The following GPATCH2L variants were observed in gnomAD, a reference collection of about 807,000 sequenced individuals.
The protein encoded by GPATCH2L is G patch domain-containing protein 2-like.
Under a neutral mutation model 57.4 loss-of-function variants are expected in GPATCH2L, and 31 were observed. The ratio of observed to expected loss-of-function variants is 0.54; its 90% CI spans 0.41 to 0.73. GPATCH2L has a LOEUF of 0.73. Ranked by LOEUF, GPATCH2L falls within the 30% of genes least tolerant of loss-of-function variation. The pLI, the probability that GPATCH2L is intolerant of heterozygous loss-of-function variation, is 0.00. For missense variants in GPATCH2L, 481 were observed against 599.9 expected (o/e 0.80, Z 2.07); for synonymous variants, 199 against 210.7 (o/e 0.94, Z 0.48).
At chr14:76,172,445 T>C (rs1287606311) in intron 4 of GPATCH2L, among the ~76,000 whole-genome samples, 2 of 152,206 alleles carry the variant, frequency 1.3e-5, no homozygotes, top group Non-Finnish European at 2.9e-5. Context: ...TTTAAAATAA[T>C]TTAAGTAGTT....
chr14:76,179,184 C>T (rs2039462573), intron 7 of GPATCH2L: 1 of 151,616 alleles, frequency 6.6e-6, no homozygotes, highest in African/African-American at 2.4e-5. Context: ...GAAGACATAA[C>T]TGGTGTATAT....
At position 76,201,914 on chromosome 14, in the gene GPATCH2L, G is replaced by A. The variant is rs2040318522; in HGVS notation, c.*63G>A. ...TGCTGAAGCAAATGTTGGACTTTGT[G>A]TTAGATAGTCTTGCATATCTTAATC... On this transcript the variant is annotated 3_prime_UTR_variant, in exon 10 of 10. Transcript: ENST00000261530. 7.0e-7 allele frequency: 1 copy of A among 1,431,810 alleles called. No homozygotes were observed. Among genetic ancestry groups the A allele is most frequent in the African/African-American group, 1.4e-5 (1 of 70,358 alleles). 88.7% of individuals were successfully genotyped at this position (1,431,810 alleles called of 1,614,324 possible).
intron 8 of GPATCH2L, among the ~76,000 whole-genome samples, chr14:76,190,167 G>A (rs150829646): frequency 1.3e-5 from 2 of 151,552 alleles, no homozygotes; most frequent in South Asian, 2.1e-4. Context: ...TGATCTGCCC[G>A]GTTTCCTAAG....
intron 5 of GPATCH2L, 54 bp downstream of exon 5, chr14:76,173,679 G>A (rs36047526): frequency 9.3e-7 from 1 of 1,080,216 alleles, no homozygotes; most frequent in Admixed American, 1.7e-5. Context: ...TTCCCTATGG[G>A]AGTTGTGTAT....
At chr14:76,182,133 G>A (rs571242570) in intron 8 of GPATCH2L, among the ~76,000 whole-genome samples, 4 of 152,150 alleles carry the variant, frequency 2.6e-5, no homozygotes, top group South Asian at 2.1e-4. Context: ...CGAGGTGGGC[G>A]GATCATGAGG....
chr14:76,223,577 T>C (rs60505172), intron 1 of GPATCH2L, among the ~76,000 whole-genome samples: 16,773 of 152,186 alleles, frequency 0.11, 961 homozygotes, highest in Admixed American at 0.15. Context: ...AAAAAATAGA[T>C]AAATAAGCCT....
At chr14:76,157,665 A>G (rs1469630691) in intron 2 of GPATCH2L, among the ~76,000 whole-genome samples, 1 of 111,334 alleles carries the variant, frequency 9.0e-6, no homozygotes, top group Admixed American at 1.0e-4. Context: ...AGCCTAGTCA[A>G]TGGTAGCGTT....
intron 2 of GPATCH2L, among the ~76,000 whole-genome samples, chr14:76,159,193 C>T (rs1159919655): frequency 1.3e-5 from 2 of 152,198 alleles, no homozygotes; most frequent in Non-Finnish European, 2.9e-5. Context: ...CCTTGTAACA[C>T]TGAGATGCTG....
intron 2 of GPATCH2L, among the ~76,000 whole-genome samples, chr14:76,232,414 C>G (rs2040576463): frequency 6.6e-6 from 1 of 152,186 alleles, no homozygotes; most frequent in African/African-American, 2.4e-5. Flanking sequence ...ATTCTCCTGC[C>G]TCAGCCTCCT....
intron 2 of GPATCH2L, among the ~76,000 whole-genome samples, chr14:76,165,854 T>G (rs1265191343): frequency 2.0e-5 from 3 of 152,228 alleles, no homozygotes; most frequent in Non-Finnish European, 4.4e-5. Flanking sequence ...TTTGGTTTCT[T>G]GCATCTTCTA....
At chr14:76,189,746 A>G (rs2039896464) in intron 8 of GPATCH2L, among the ~76,000 whole-genome samples, 1 of 152,096 alleles carries the variant, frequency 6.6e-6, no homozygotes, top group Non-Finnish European at 1.5e-5. Flanking sequence ...ATTGAGTAAC[A>G]GTGGTGAAGG....
At chr14:76,186,780 G>T (rs2039781597) in intron 8 of GPATCH2L, among the ~76,000 whole-genome samples, 1 of 152,106 alleles carries the variant, frequency 6.6e-6, no homozygotes, top group Non-Finnish European at 1.5e-5. Flanking sequence ...TTTTTCCATT[G>T]TAAGATACCC....
In GPATCH2L at chr14:76,201,687, C is replaced by T. The variant is rs2040313550; in HGVS notation, c.1289-4C>T. 1 of 1,603,846 alleles carries T rather than the reference C, an allele frequency of 6.2e-7. No individual in the cohort carries two copies. ...TTTGCTCCTCTCTGTTGTAACCTTACTAGTTCACATGGATGCAGTGGAGCC... is the reference window on the plus strand; with the variant it reads ...TTTGCTCCTCTCTGTTGTAACCTTATTAGTTCACATGGATGCAGTGGAGCC... On this transcript the variant is annotated splice_polypyrimidine_tract_variant and splice_region_variant and intron_variant, in intron 9 of 9. Transcript: ENST00000261530.
chr14:76,166,307 G>A (rs764955496), intron 2 of GPATCH2L, among the ~76,000 whole-genome samples: 4 of 152,114 alleles, frequency 2.6e-5, no homozygotes, highest in Non-Finnish European at 5.9e-5. Context: ...ACTGATAGTT[G>A]GCAATATTTG....
In GPATCH2L at chr14:76,209,813, C is replaced by T. The variant is rs2040420277; in HGVS notation, c.*7962C>T. ...CTGTGTGTTCCTGATGTCTTTGAAT[C>T]ACTAGTTTCTGATTCAAAATATGGG... On this transcript the variant is annotated 3_prime_UTR_variant, in exon 10 of 10. Transcript: ENST00000261530. The T allele has an allele frequency of 6.6e-6, 1 of 152,160 alleles. No individual in the cohort carries two copies. The highest frequency in any genetic ancestry group is 2.1e-4 in the South Asian group (1 of 4,826). 9.4% of individuals were successfully genotyped at this position (152,160 alleles called of 1,614,324 possible).
chr14:76,201,962 C>T lies in GPATCH2L; in HGVS notation c.*111C>T. ...ATCGACATTCCCAGTCCTTTCACCA[C>T]CAGAACCAACTCCTCTTTCAAACAC... On this transcript the variant is annotated 3_prime_UTR_variant, in exon 10 of 10. Transcript: ENST00000261530. 1.3e-6 allele frequency: 1 copy of T among 772,730 alleles called. No homozygotes were observed. The highest frequency in any genetic ancestry group is 2.1e-6 in the Non-Finnish European group (1 of 485,450). The allele number at this position is 772,730 out of a possible 1,614,324, so 47.9% of individuals were successfully genotyped here.
chr14:76,219,005 C>CAAAAAAAAA (rs572896740), downstream of GPATCH2L, among the ~76,000 whole-genome samples: 10 of 73,766 alleles, frequency 1.4e-4, no homozygotes, highest in Non-Finnish European at 1.5e-4. Flanking sequence ...TCTAAAAGTA[C>CAAAAAAAAA]AAAAAAAAAA....
At chr14:76,194,626 G>T (rs561480130) in intron 8 of GPATCH2L, among the ~76,000 whole-genome samples, 1 of 152,086 alleles carries the variant, frequency 6.6e-6, no homozygotes, top group Non-Finnish European at 1.5e-5. Flanking sequence ...TGCTAACCAG[G>T]TTTTCTTAGG....
intron 1 of GPATCH2L, among the ~76,000 whole-genome samples, chr14:76,225,117 A>G (rs2040531468): frequency 6.6e-6 from 1 of 152,196 alleles, no homozygotes; most frequent in Non-Finnish European, 1.5e-5. Context: ...GGGGGAAATT[A>G]AGCTGATTCT....
Sources: allele counts gnomAD v4.1 joint callset (sites outside exome capture counted in the v4.1 genomes callset), GRCh38; gene constraint gnomAD v4.1.1; transcripts MANE v1.5; gene names NCBI Gene and HGNC (gene_info 2026-07-23, HGNC 2026-07-21).